DSTN: variants seen among roughly 807,000 people sequenced by gnomAD.
The protein encoded by DSTN is destrin.
Under a neutral mutation model 16.8 loss-of-function variants are expected in DSTN, and 10 were observed. That is an observed-to-expected ratio of 0.60 (90% CI 0.37 to 1.01). The LOEUF is 1.01. DSTN is among the 50% of genes least tolerant of loss of function. The pLI, the probability that DSTN is intolerant of heterozygous loss-of-function variation, is 0.01. For missense variants in DSTN, 141 were observed against 196.7 expected (o/e 0.72, Z 1.69); for synonymous variants, 57 against 58.9 (o/e 0.97, Z 0.14).
intron 1 of DSTN, among the ~76,000 whole-genome samples, chr20:17,587,990 A>T (rs2035429740): frequency 6.6e-6 from 1 of 152,156 alleles, no homozygotes; most frequent in African/African-American, 2.4e-5. Context: ...TAAAATGCTG[A>T]TTTACTGAGC....
chr20:17,571,441 A>G (rs996876427), intron 1 of DSTN, among the ~76,000 whole-genome samples: 2 of 152,228 alleles, frequency 1.3e-5, no homozygotes, highest in Non-Finnish European at 2.9e-5. Context: ...ATGACTGTAG[A>G]TATGTATGTA....
chr20:17,571,157 C>A (rs1022298787), intron 1 of DSTN, among the ~76,000 whole-genome samples: 16 of 152,222 alleles, frequency 1.1e-4, no homozygotes, highest in Non-Finnish European at 2.1e-4. Flanking sequence ...AAAACGTATT[C>A]TCAACTGAAC....
chr20:17,592,341 C>T (rs1448736336), intron 1 of DSTN, among the ~76,000 whole-genome samples: 2 of 150,634 alleles, frequency 1.3e-5, no homozygotes, highest in Non-Finnish European at 2.9e-5. Context: ...GTGGGAGGAT[C>T]GCTTGAGCCC....
rs2035673708 is a variant in DSTN at position 17,609,215 on chromosome 20, GTTTT to G, written c.*2072_*2075del. On this transcript the variant is annotated 3_prime_UTR_variant, in exon 4 of 4. Transcript: ENST00000246069. ...TAGCAATGCTTTTAGTGTGGGTTTT[GTTTT>G]TTGAGACAGGGTCTCACTCTTTCCC... 1 of 152,094 alleles carries G rather than the reference GTTTT, an allele frequency of 6.6e-6. No homozygotes were observed. The highest frequency in any genetic ancestry group is 2.4e-5 in the African/African-American group (1 of 41,412). 9.4% of individuals were successfully genotyped at this position (152,094 alleles called of 1,614,324 possible). A position where few individuals can be genotyped will look rare whatever the true frequency, so the allele number is the denominator to read the frequency against.
rs1448597577 is a variant in DSTN, at chr20:17,608,239, CTTACCTCTCGTGTAATTT to C, written c.*1095_*1112del. On this transcript the variant is annotated 3_prime_UTR_variant, in exon 4 of 4. Coordinates refer to ENST00000246069, the MANE Select transcript of DSTN (RefSeq NM_006870.4). Reference sequence around the variant, plus strand: ...TATGTAATAAAGGAAGCATTTTTGACTTACCTCTCGTGTAATTTTCATGTGTGAATTGGGAATACAGGA... The same window carrying C: ...TATGTAATAAAGGAAGCATTTTTGACTCATGTGTGAATTGGGAATACAGGA... The C allele has an allele frequency of 6.6e-6, 1 of 152,138 alleles. No individual in the cohort carries two copies. The highest frequency in any genetic ancestry group is 1.9e-4 in the East Asian group (1 of 5,194). The allele number at this position is 152,138 out of a possible 1,614,324, so 9.4% of individuals were successfully genotyped here.
At chr20:17,581,702 G>A (rs1012546121) in intron 1 of DSTN, among the ~76,000 whole-genome samples, 6 of 152,156 alleles carry the variant, frequency 3.9e-5, no homozygotes, top group African/African-American at 1.2e-4. Context: ...CCAGATATTT[G>A]ATGGTGTCAC....
chr20:17,593,708 TGAAA>T (rs2035495626), intron 1 of DSTN, among the ~76,000 whole-genome samples: 1 of 152,174 alleles, frequency 6.6e-6, no homozygotes, highest in South Asian at 2.1e-4. Context: ...TACAAATGAC[TGAAA>T]GAAAGCCAGG....
Position 17,607,573 on chromosome 20 carries a change from GAATAT to G in DSTN, c.*433_*437del, listed in dbSNP as rs1405731765. ...CTTCCTTGAGCTAAGCAGAATAATG[GAATAT>G]AATATGTCTTCATAATATAACAACA... is the stretch of plus-strand genomic sequence containing the variant. On this transcript the variant is annotated 3_prime_UTR_variant, in exon 4 of 4. Transcript: ENST00000246069. The G allele has an allele frequency of 6.4e-6, 1 of 156,386 alleles. No homozygotes were observed. Among genetic ancestry groups the G allele is most frequent in the African/African-American group, 2.4e-5 (1 of 41,488 alleles). 9.7% of individuals were successfully genotyped at this position (156,386 alleles called of 1,614,324 possible). A position where few individuals can be genotyped will look rare whatever the true frequency, so the allele number is the denominator to read the frequency against.
At chr20:17,590,654 G>T (rs1392951928) in intron 1 of DSTN, among the ~76,000 whole-genome samples, 1 of 152,212 alleles carries the variant, frequency 6.6e-6, no homozygotes, top group Admixed American at 6.5e-5. Context: ...GCTATGTTCA[G>T]AGTATCCTTT....
At chr20:17,598,300 A>G (rs2035550389) in intron 1 of DSTN, among the ~76,000 whole-genome samples, 1 of 152,180 alleles carries the variant, frequency 6.6e-6, no homozygotes, top group African/African-American at 2.4e-5. Context: ...ACCCTTTTAC[A>G]GTTCTACAGT....
At chr20:17,573,896 T>TA (rs11476341) in intron 1 of DSTN, among the ~76,000 whole-genome samples, 1,696 of 137,190 alleles carry the variant, frequency 0.012, 25 homozygotes, top group African/African-American at 0.035. Context: ...AATGTAGCAG[T>TA]AAAAAAAAAA....
chr20:17,590,115 C>T lies in DSTN; in HGVS notation c.4-10623C>T, dbSNP rs530450126. 2.6e-5 allele frequency among the ~76,000 whole-genome samples: 4 copies of T among 152,260 alleles called. 1 individual carries two copies. The South Asian group carries it at 8.3e-4, about 32-fold the overall frequency. On this transcript the variant is annotated intron_variant, in intron 1 of 3. Transcript: ENST00000246069. ...GCTTTTGGACTGGTTCAGTTATTTA[C>T]AAAAATCAAATTAGAAAAATTTAAT...
At chr20:17,581,261 A>C (rs543213613) in intron 1 of DSTN, among the ~76,000 whole-genome samples, 1 of 152,298 alleles carries the variant, frequency 6.6e-6, no homozygotes, top group African/African-American at 2.4e-5. Flanking sequence ...TGAGAGGATC[A>C]CTTGAGGCCA....
chr20:17,587,435 G>T (rs540532537), intron 1 of DSTN, among the ~76,000 whole-genome samples: 5 of 152,016 alleles, frequency 3.3e-5, no homozygotes, highest in Non-Finnish European at 7.4e-5. Context: ...GTTAAGTCAG[G>T]CCCTCTTGTA....
chr20:17,598,821 C>T (rs761891629), intron 1 of DSTN, among the ~76,000 whole-genome samples: 4 of 152,112 alleles, frequency 2.6e-5, no homozygotes, highest in Admixed American at 6.6e-5. Context: ...TGGTCTCAAA[C>T]GCCTGAACTC....
At chr20:17,589,529 C>T (rs969607809) in intron 1 of DSTN, among the ~76,000 whole-genome samples, 1 of 152,212 alleles carries the variant, frequency 6.6e-6, no homozygotes, top group Non-Finnish European at 1.5e-5. Flanking sequence ...AATATAGGAC[C>T]TGTGAGGCCC....
chr20:17,577,255 A>C (rs914202508), intron 1 of DSTN, among the ~76,000 whole-genome samples: 1 of 152,232 alleles, frequency 6.6e-6, no homozygotes, highest in Non-Finnish European at 1.5e-5. Flanking sequence ...CTAACACTAA[A>C]GCACAGCACA....
intron 1 of DSTN, 103 bp downstream of exon 1, chr20:17,570,314 C>T: frequency 7.5e-7 from 1 of 1,340,470 alleles, no homozygotes. Context: ...TGCCTCAGCC[C>T]GGGGAGGGAC....
intron 2 of DSTN, among the ~76,000 whole-genome samples, chr20:17,603,270 A>G (rs974910926): frequency 1.3e-5 from 2 of 152,216 alleles, no homozygotes; most frequent in African/African-American, 4.8e-5. Flanking sequence ...GAATTATTAA[A>G]TGCTCAGAAG....
Sources: gnomAD v4.1 joint callset for allele counts (sites outside exome capture counted in the v4.1 genomes callset) on GRCh38, gnomAD v4.1.1 for gene constraint, MANE v1.5 for transcripts, NCBI Gene and HGNC (gene_info 2026-07-23, HGNC 2026-07-21) for gene names.